Variants in PIK3R1 observed in about 807,000 individuals in gnomAD.
The protein encoded by PIK3R1 is phosphatidylinositol 3-kinase regulatory subunit alpha.
PIK3R1 carries 29 observed loss-of-function variants against 98.0 expected under a neutral mutation model. The observed-to-expected ratio is 0.30, with a 90% CI of 0.22 to 0.40. The LOEUF is 0.40. Ranked by LOEUF, PIK3R1 falls within the 10% of genes least tolerant of loss-of-function variation. The probability of loss-of-function intolerance (pLI) is 1.00; values close to 1 mark genes in which losing one functional copy is unlikely to be tolerated. For synonymous variants in PIK3R1, 282 were observed against 311.8 expected (o/e 0.90, Z 1.01); for missense variants, 596 against 872.7 (o/e 0.68, Z 3.99).
chr5:68,244,515 G>GC lies in PIK3R1; in HGVS notation c.334+17513dup, dbSNP rs199696651. 3.6e-3 allele frequency among the ~76,000 whole-genome samples: 43 copies of GC among 11,806 alleles called. 15 individuals are homozygous for GC. The South Asian group carries it at 0.044, about 12-fold the overall frequency. 7.7% of individuals were successfully genotyped at this position (11,806 alleles called of 152,430 possible). On this transcript the variant is annotated intron_variant, in intron 2 of 15. Transcript: ENST00000521381. ...TAGGGCCGCCTATTTCTCTAGGACC[G>GC]CCCCCCCGCCCCCCGCCGCCGCTTC... is the stretch of plus-strand genomic sequence containing the variant.
chr5:68,237,999 A>G (rs972904133), intron 2 of PIK3R1, among the ~76,000 whole-genome samples: 1 of 152,176 alleles, frequency 6.6e-6, no homozygotes, highest in African/African-American at 2.4e-5. Context: ...GAGAGCTGGA[A>G]TGGTAAGTTA....
At position 68,263,969 on chromosome 5, in the gene PIK3R1, A is replaced by G. The variant is rs568919692; in HGVS notation, c.335-9421A>G. Among the ~76,000 whole-genome samples the G allele has an allele frequency of 1.3e-4, 20 of 152,304 alleles. No individual in the cohort carries two copies. The South Asian group carries it at 4.1e-3, about 32-fold the overall frequency. On this transcript the variant is annotated intron_variant, in intron 2 of 15. Transcript: ENST00000521381. ...TGCTTGCAAATATACATTACAAAATATATATTTTTAAAAAGTGATTTGAAG... is the reference window on the plus strand; with the variant it reads ...TGCTTGCAAATATACATTACAAAATGTATATTTTTAAAAAGTGATTTGAAG...
At chr5:68,253,828 C>T (rs1490945280) in intron 2 of PIK3R1, among the ~76,000 whole-genome samples, 2 of 152,144 alleles carry the variant, frequency 1.3e-5, no homozygotes, top group African/African-American at 4.8e-5. Flanking sequence ...TTCATACATC[C>T]TTTGGTGTAG....
chr5:68,250,959 A>G (rs531599164), intron 2 of PIK3R1, among the ~76,000 whole-genome samples: 1 of 152,336 alleles, frequency 6.6e-6, no homozygotes, highest in South Asian at 2.1e-4. Flanking sequence ...TAATTTTAAG[A>G]GAGTGTGTAT....
intron 4 of PIK3R1, 92 bp from the exon 5 acceptor site, chr5:68,279,510 T>G (rs1047453056): frequency 2.7e-5 from 23 of 850,912 alleles, no homozygotes; most frequent in East Asian, 8.3e-5. Flanking sequence ...TTTTTTTTTT[T>G]GTCACATGTG....
chr5:68,272,082 C>G (rs1363972306), intron 2 of PIK3R1, among the ~76,000 whole-genome samples: 1 of 151,768 alleles, frequency 6.6e-6, no homozygotes, highest in African/African-American at 2.4e-5. Flanking sequence ...AAAACCCCGT[C>G]TCTACTAAAA....
In PIK3R1 at chr5:68,245,277, C is replaced by T. The variant is rs184255921; in HGVS notation, c.334+18268C>T. Among the ~76,000 whole-genome samples, 312 of 151,838 alleles carry T rather than the reference C, an allele frequency of 2.1e-3. 1 individual carries two copies. Among genetic ancestry groups the T allele is most frequent in the African/African-American group, 7.0e-3 (291 of 41,348 alleles). Reference sequence around the variant, plus strand: ...GTGAATATATTTAGCAGTGGTAGTACGTCTTGGAAAGTTTAAGAATTTAGA... The same window carrying T: ...GTGAATATATTTAGCAGTGGTAGTATGTCTTGGAAAGTTTAAGAATTTAGA... On this transcript the variant is annotated intron_variant, in intron 2 of 15. Coordinates refer to ENST00000521381, the MANE Select transcript of PIK3R1 (RefSeq NM_181523.3).
intron 2 of PIK3R1, among the ~76,000 whole-genome samples, chr5:68,263,737 A>G (rs560170844): frequency 4.0e-4 from 60 of 151,828 alleles, no homozygotes; most frequent in African/African-American, 1.4e-3. Context: ...CTGAATAAAT[A>G]TTATTTTCTT....
At chr5:68,281,076 A>G in intron 7 of PIK3R1, 70 bp downstream of exon 7, 1 of 985,296 alleles carries the variant, frequency 1.0e-6, no homozygotes, top group Non-Finnish European at 1.6e-6. Flanking sequence ...TGATGGCTAT[A>G]AACCTCCTTT....
At chr5:68,297,314 TGA>T in intron 15 of PIK3R1, 96 bp from the exon 16 acceptor site, 1 of 1,065,032 alleles carries the variant, frequency 9.4e-7, no homozygotes, top group East Asian at 2.4e-5. Flanking sequence ...TTCCCCAAGT[TGA>T]GACTGCACAA....
At chr5:68,273,580 C>A in intron 3 of PIK3R1, 98 bp downstream of exon 3, 2 of 1,038,038 alleles carry the variant, frequency 1.9e-6, no homozygotes, top group Non-Finnish European at 3.0e-6. Flanking sequence ...AAATTTCCTA[C>A]TACCAGCTAT....
Position 68,300,206 on chromosome 5 carries a change from T to C in PIK3R1, c.*2605T>C, listed in dbSNP as rs1311277357. 2 of 233,098 alleles carry C rather than the reference T, an allele frequency of 8.6e-6. No homozygotes were observed. Among genetic ancestry groups the C allele is most frequent in the Non-Finnish European group, 1.7e-5 (2 of 118,014 alleles). 14.4% of individuals were successfully genotyped at this position (233,098 alleles called of 1,614,324 possible). ...AACATAAGTGCAATAGATCTTTTCATTGAACAGCAAAGTAGGATTCATCAT... is the reference window on the plus strand; with the variant it reads ...AACATAAGTGCAATAGATCTTTTCACTGAACAGCAAAGTAGGATTCATCAT... On this transcript the variant is annotated 3_prime_UTR_variant, in exon 16 of 16. Transcript: ENST00000521381.
Position 68,261,896 on chromosome 5 carries a change from C to A in PIK3R1, c.335-11494C>A, listed in dbSNP as rs575256768. Among the ~76,000 whole-genome samples, 7 of 152,252 alleles carry A rather than the reference C, an allele frequency of 4.6e-5. No homozygotes were observed. In the South Asian group the frequency reaches 1.5e-3, roughly 32 times the overall value. ...CCGTGGTTCAGACCCTATCCCTTCCCTTTCTGCTGAAGACAGAAATGGTGC... is the reference window on the plus strand; with the variant it reads ...CCGTGGTTCAGACCCTATCCCTTCCATTTCTGCTGAAGACAGAAATGGTGC... On this transcript the variant is annotated intron_variant, in intron 2 of 15. Transcript: ENST00000521381.
intron 7 of PIK3R1, among the ~76,000 whole-genome samples, chr5:68,289,627 T>C (rs1352677233): frequency 6.6e-6 from 1 of 151,628 alleles, no homozygotes; most frequent in East Asian, 1.9e-4. Flanking sequence ...GAATGTACAG[T>C]AGGCTCCTAT....
Position 68,255,174 on chromosome 5 carries a change from AAGG to A in PIK3R1, c.335-18213_335-18211del, listed in dbSNP as rs1561273654. 2.6e-5 allele frequency among the ~76,000 whole-genome samples: 4 copies of A among 152,366 alleles called. No individual in the cohort carries two copies. In the South Asian group the frequency reaches 8.3e-4, roughly 32 times the overall value. ...AGCATCTGATTTTCTAAAATGACCA[AAGG>A]AGAATTGTTTCAGTCCCTGATTTGC... On this transcript the variant is annotated intron_variant, in intron 2 of 15. Transcript: ENST00000521381.
At chr5:68,219,902 C>T (rs1021420237) in intron 1 of PIK3R1, among the ~76,000 whole-genome samples, 2 of 152,070 alleles carry the variant, frequency 1.3e-5, no homozygotes, top group African/African-American at 2.4e-5. Context: ...AAATATTTAA[C>T]TTTTATCTGC....
At chr5:68,238,435 A>G (rs1370400297) in intron 2 of PIK3R1, among the ~76,000 whole-genome samples, 1 of 152,140 alleles carries the variant, frequency 6.6e-6, no homozygotes, top group Non-Finnish European at 1.5e-5. Context: ...ATTATAATTT[A>G]TTTCTGTTAT....
chr5:68,289,783 A>AAAAAAAAAAAAAAT (rs1314355941), intron 7 of PIK3R1, among the ~76,000 whole-genome samples: 1 of 150,008 alleles, frequency 6.7e-6, no homozygotes, highest in Non-Finnish European at 1.5e-5. Context: ...AAAAAAAAAA[A>AAAAAAAAAAAAAAT]AAAGTGATTA....
rs1234724849 is a variant in PIK3R1 at position 68,301,380 on chromosome 5, GTGTGTGTGTGTGTATATA to G, written c.*3781_*3798del. ...TATATATATATATGTGTGTGTGTGT[GTGTGTGTGTGTGTATATA>G]TATATATATATATATATATATATAT... is the stretch of plus-strand genomic sequence containing the variant. On this transcript the variant is annotated 3_prime_UTR_variant, in exon 16 of 16. Coordinates refer to ENST00000521381, the MANE Select transcript of PIK3R1 (RefSeq NM_181523.3). 2 of 44,636 alleles carry G rather than the reference GTGTGTGTGTGTGTATATA, an allele frequency of 4.5e-5. No individual in the cohort carries two copies. The highest frequency in any genetic ancestry group is 1.5e-4 in the African/African-American group (2 of 13,630). The allele number at this position is 44,636 out of a possible 1,614,324, so 2.8% of individuals were successfully genotyped here.
Sources: allele counts gnomAD v4.1 joint callset (sites outside exome capture counted in the v4.1 genomes callset), GRCh38; gene constraint gnomAD v4.1.1; transcripts MANE v1.5; gene names NCBI Gene and HGNC (gene_info 2026-07-23, HGNC 2026-07-21).